The following SDK1 variants were observed in gnomAD, a reference collection of about 807,000 sequenced individuals.
The protein encoded by SDK1 is protein sidekick-1.
Under a neutral mutation model 245.5 loss-of-function variants are expected in SDK1, and 157 were observed. The ratio of observed to expected loss-of-function variants is 0.64; its 90% CI spans 0.56 to 0.73. The LOEUF (loss-of-function observed/expected upper bound fraction) is 0.73, where lower values mean the gene tolerates loss of function less well. Ranked by LOEUF, SDK1 falls within the 30% of genes least tolerant of loss-of-function variation. The pLI is 0.00. For missense variants in SDK1, 3,583 were observed against 3,002.3 expected (o/e 1.19, Z -4.52); for synonymous variants, 1,647 against 1,278.5 (o/e 1.29, Z -6.15).
chr7:3,995,236 A>C (rs901261556), intron 14 of SDK1, among the ~76,000 whole-genome samples: 14 of 152,232 alleles, frequency 9.2e-5, no homozygotes, highest in African/African-American at 3.4e-4. Context: ...ACCTTTGCTC[A>C]CCGAATCTGG....
chr7:4,240,464 C>T (rs1009916898), intron 42 of SDK1, among the ~76,000 whole-genome samples: 1 of 152,150 alleles, frequency 6.6e-6, no homozygotes, highest in African/African-American at 2.4e-5. Context: ...ACCTGCTCAC[C>T]TCCCATCATC....
intron 1 of SDK1, among the ~76,000 whole-genome samples, chr7:3,615,840 C>G (rs957713589): frequency 1.4e-5 from 2 of 143,966 alleles, no homozygotes; most frequent in African/African-American, 4.9e-5. Flanking sequence ...GTTCTTTTAA[C>G]AACACAATCA....
intron 1 of SDK1, among the ~76,000 whole-genome samples, chr7:3,578,039 T>C (rs1345558268): frequency 1.3e-5 from 2 of 152,072 alleles, no homozygotes; most frequent in Non-Finnish European, 2.9e-5. Flanking sequence ...TTTTCCTCCT[T>C]CCCTTGTTTT....
At chr7:3,914,558 T>TAAA in intron 5 of SDK1, among the ~76,000 whole-genome samples, 1 of 152,322 alleles carries the variant, frequency 6.6e-6, no homozygotes, top group Middle Eastern at 3.4e-3. Flanking sequence ...AAGCTATTTT[T>TAAA]AAAAAGCACG....
At chr7:3,902,002 T>G (rs1383403278) in intron 5 of SDK1, among the ~76,000 whole-genome samples, 1 of 152,224 alleles carries the variant, frequency 6.6e-6, no homozygotes, top group Non-Finnish European at 1.5e-5. Flanking sequence ...GTGTCTCACT[T>G]TCTAGCACAA....
intron 4 of SDK1, among the ~76,000 whole-genome samples, chr7:3,780,496 A>G (rs1780698363): frequency 1.3e-5 from 2 of 152,200 alleles, no homozygotes; most frequent in Non-Finnish European, 2.9e-5. Flanking sequence ...AGTCAACTTC[A>G]TAACCCACAT....
intron 1 of SDK1, among the ~76,000 whole-genome samples, chr7:3,609,775 A>C (rs1781534739): frequency 7.0e-6 from 1 of 143,122 alleles, no homozygotes; most frequent in African/African-American, 2.6e-5. Flanking sequence ...ATCTTGGCTC[A>C]CTGCAACCTT....
At chr7:3,429,572 T>C (rs1583844126) in intron 1 of SDK1, among the ~76,000 whole-genome samples, 1 of 151,992 alleles carries the variant, frequency 6.6e-6, no homozygotes, top group Admixed American at 6.6e-5. Flanking sequence ...AAAATGTAAT[T>C]TGATACCCAG....
At chr7:3,625,573 A>C (rs997692407) in intron 2 of SDK1, among the ~76,000 whole-genome samples, 19 of 152,182 alleles carry the variant, frequency 1.2e-4, no homozygotes, top group African/African-American at 4.6e-4. Context: ...CAGTCACTCT[A>C]AGTGGCTGGA....
At chr7:3,913,526 G>C (rs12530629) in intron 5 of SDK1, among the ~76,000 whole-genome samples, 49,530 of 151,666 alleles carry the variant, frequency 0.33, 8,539 homozygotes, top group African/African-American at 0.44. Flanking sequence ...ATCTCCTGAC[G>C]TCGTGATCCA....
chr7:4,044,450 T>A (rs944304069), intron 17 of SDK1, among the ~76,000 whole-genome samples: 1 of 129,708 alleles, frequency 7.7e-6, no homozygotes, highest in Non-Finnish European at 1.5e-5. Context: ...CATTTTGCTT[T>A]GCTTTATTTT....
chr7:3,707,311 A>G (rs1784918715), intron 4 of SDK1, among the ~76,000 whole-genome samples: 1 of 152,268 alleles, frequency 6.6e-6, no homozygotes, highest in Non-Finnish European at 1.5e-5. Flanking sequence ...TGTCAATTCA[A>G]AAATCATTCC....
chr7:4,237,928 C>T, intron 42 of SDK1, 144 bp downstream of exon 42: 1 of 1,018,638 alleles, frequency 9.8e-7, no homozygotes, highest in East Asian at 2.6e-5. Context: ...AATAGGTTTT[C>T]TTTCTGGGGG....
intron 1 of SDK1, among the ~76,000 whole-genome samples, chr7:3,603,471 T>A (rs962343357): frequency 1.8e-4 from 28 of 151,714 alleles, no homozygotes; most frequent in Admixed American, 5.3e-4. Flanking sequence ...ACTCATGATT[T>A]GGCTCTCTGT....
At chr7:3,690,583 T>C (rs940354998) in intron 4 of SDK1, among the ~76,000 whole-genome samples, 2 of 152,130 alleles carry the variant, frequency 1.3e-5, no homozygotes, top group African/African-American at 4.8e-5. Context: ...CTCACTGATA[T>C]TGATTGAATT....
intron 9 of SDK1, 115 bp from the exon 10 acceptor site, chr7:3,967,203 T>C (rs751397725): frequency 1.3e-6 from 1 of 778,970 alleles, no homozygotes; most frequent in Non-Finnish European, 2.2e-6. Context: ...TCCTTTTGTA[T>C]TGCTACAGTT....
intron 38 of SDK1, among the ~76,000 whole-genome samples, chr7:4,214,560 G>A (rs1197791947): frequency 1.3e-5 from 2 of 152,190 alleles, no homozygotes; most frequent in Non-Finnish European, 2.9e-5. Flanking sequence ...TCCTTCCTTG[G>A]CTCTGCAGGC....
rs1779269131 is a variant in SDK1, at chr7:3,301,789, G to A, written c.203G>A (p.Cys68Tyr). Reference protein sequence around the residue: ...SGGDTAGAGRCGGRRAAKLGP... With the variant: ...SGGDTAGAGRYGGRRAAKLGP... ...GGGGACACGGCGGGCGCGGGGCGGT[G>A]CGGCGGGCGGCGGGCGGCAAAGTTG... The change falls in exon 1 of 45, where the codon TGC becomes TAC. Residue 68 changes from cysteine to tyrosine, a missense_variant. By Grantham distance (194) the Cys-to-Tyr change is radical. Coordinates refer to ENST00000404826, the MANE Select transcript of SDK1 (RefSeq NM_152744.4). 4 of 1,014,386 alleles carry A rather than the reference G, an allele frequency of 3.9e-6. No homozygotes were observed. In the African/African-American group the frequency reaches 5.2e-5, roughly 13 times the overall value. 62.8% of individuals were successfully genotyped at this position (1,014,386 alleles called of 1,614,324 possible).
chr7:4,197,487 C>G (rs370874052), intron 35 of SDK1, among the ~76,000 whole-genome samples: 1 of 151,750 alleles, frequency 6.6e-6, no homozygotes, highest in Admixed American at 6.6e-5. Context: ...GACCCCATCT[C>G]AGAAAAAAAA....
Sources: allele counts gnomAD v4.1 joint callset (sites outside exome capture counted in the v4.1 genomes callset), GRCh38; gene constraint gnomAD v4.1.1; transcripts MANE v1.5; gene names NCBI Gene and HGNC (gene_info 2026-07-23, HGNC 2026-07-21).